MAPK1IP1L: variants seen among roughly 807,000 people sequenced by gnomAD.
MAPK1IP1L encodes MAPK-interacting and spindle-stabilizing protein-like.
A neutral mutation model predicts 18.1 loss-of-function variants in MAPK1IP1L; 10 were observed. The ratio of observed to expected loss-of-function variants is 0.55; its 90% CI spans 0.34 to 0.94. MAPK1IP1L has a LOEUF of 0.94. Ranked by LOEUF, MAPK1IP1L falls within the 40% of genes least tolerant of loss-of-function variation. The probability of loss-of-function intolerance (pLI) is 0.02; values close to 1 mark genes in which losing one functional copy is unlikely to be tolerated. For synonymous variants in MAPK1IP1L, 115 were observed against 117.3 expected, an observed-to-expected ratio of 0.98 and a Z score of 0.13; for missense variants, 260 against 318.2, an observed-to-expected ratio of 0.82 and a Z score of 1.39.
rs748945908 is a variant in MAPK1IP1L, at chr14:55,063,010, T to C, written c.411T>C (p.Ala137=). ...CATATGGTGCACCCACAGATCCAGCTGCAGCTGGTCCTTTAGGTCCATGGG... is the reference window on the plus strand; with the variant it reads ...CATATGGTGCACCCACAGATCCAGCCGCAGCTGGTCCTTTAGGTCCATGGG... ...PRPYGAPTDP[A]AAGPLGPWGS... is the part of the protein sequence containing the mutation. The change falls in exon 3 of 4, where the codon GCT becomes GCC. Residue 137 remains alanine (A), a synonymous_variant. Transcript: ENST00000395468. 1 of 1,613,894 alleles carries C rather than the reference T, an allele frequency of 6.2e-7. No individual in the cohort carries two copies. The highest frequency in any genetic ancestry group is 1.7e-5 in the Admixed American group (1 of 60,016).
rs531199719 is a variant in MAPK1IP1L, at chr14:55,069,204, A to G, written c.*4577A>G. 3.9e-5 allele frequency: 6 copies of G among 152,366 alleles called. No individual in the cohort carries two copies. Among genetic ancestry groups the G allele is most frequent in the East Asian group, 1.9e-4 (1 of 5,190 alleles). 9.4% of individuals were successfully genotyped at this position (152,366 alleles called of 1,614,324 possible). On this transcript the variant is annotated 3_prime_UTR_variant, in exon 4 of 4. Transcript: ENST00000395468. ...GAACTTGACTTCTTATGTGTGCTCT[A>G]TGAGTTTGTTGTAATTTTCTTCTTG...
Position 55,060,154 on chromosome 14 carries a change from A to ATTTT in MAPK1IP1L, c.-4-1494_-4-1491dup, listed in dbSNP as rs71131248. ...TACAGATAAAAGGAATTTTGGAGAA[A>ATTTT]TTTTTTTTTTTTTTTTTTTTTTTTT... On this transcript the variant is annotated intron_variant, in intron 1 of 3. Coordinates refer to ENST00000395468, the MANE Select transcript of MAPK1IP1L (RefSeq NM_144578.4). Among the ~76,000 whole-genome samples, 239 of 63,924 alleles carry ATTTT rather than the reference A, an allele frequency of 3.7e-3. 3 individuals carry two copies. The highest frequency in any genetic ancestry group is 7.3e-3 in the Admixed American group (26 of 3,554). The allele number at this position is 63,924 out of a possible 152,430, so 41.9% of individuals were successfully genotyped here. A position where few individuals can be genotyped will look rare whatever the true frequency, so the allele number is the denominator to read the frequency against.
intron 1 of MAPK1IP1L, 74 bp downstream of exon 1, chr14:55,051,877 G>T (rs998138017): frequency 2.4e-6 from 1 of 424,102 alleles, no homozygotes; most frequent in Non-Finnish European, 4.7e-6. Context: ...CCGCGGGCGC[G>T]GCCAAGCGGG....
chr14:55,053,247 C>T (rs2042744642), intron 1 of MAPK1IP1L, among the ~76,000 whole-genome samples: 1 of 152,200 alleles, frequency 6.6e-6, no homozygotes, highest in South Asian at 2.1e-4. Flanking sequence ...GATGTGGGTA[C>T]GATTCCGATC....
chr14:55,058,641 G>A (rs2042789890), intron 1 of MAPK1IP1L, among the ~76,000 whole-genome samples: 1 of 152,116 alleles, frequency 6.6e-6, no homozygotes, highest in Non-Finnish European at 1.5e-5. Context: ...GAGCAGCCTG[G>A]CCAACGTGGT....
At chr14:55,055,204 C>T (rs1423270429) in intron 1 of MAPK1IP1L, among the ~76,000 whole-genome samples, 1 of 152,104 alleles carries the variant, frequency 6.6e-6, no homozygotes, top group Non-Finnish European at 1.5e-5. Flanking sequence ...TGGCCTCAAG[C>T]GGTCTTCCCA....
chr14:55,055,455 C>A (rs1485426802), intron 1 of MAPK1IP1L, among the ~76,000 whole-genome samples: 1 of 152,092 alleles, frequency 6.6e-6, no homozygotes, highest in Non-Finnish European at 1.5e-5. Context: ...CCAATGAATC[C>A]CTGAAACTGA....
chr14:55,053,103 G>T lies in MAPK1IP1L; in HGVS notation c.-5+1300G>T, dbSNP rs114267296. On this transcript the variant is annotated intron_variant, in intron 1 of 3. Transcript: ENST00000395468. ...CACATTTTGCCACCATGTAAGTTTT[G>T]TGCCAAACTAGGGCAGATAAAGATT... Among the ~76,000 whole-genome samples, 468 of 152,330 alleles carry T rather than the reference G, an allele frequency of 3.1e-3. 4 individuals are homozygous for T. Among genetic ancestry groups the T allele is most frequent in the African/African-American group, 0.011 (444 of 41,570 alleles).
At chr14:55,064,592 G>C in intron 3 of MAPK1IP1L, 24 bp from the exon 4 acceptor site, 1 of 1,611,558 alleles carries the variant, frequency 6.2e-7, no homozygotes, top group Non-Finnish European at 8.5e-7. Flanking sequence ...TCTAGAAGTT[G>C]ACTTTTTCTT....
At chr14:55,062,171 C>T (rs1217859565) in intron 2 of MAPK1IP1L, among the ~76,000 whole-genome samples, 3 of 152,172 alleles carry the variant, frequency 2.0e-5, no homozygotes, top group Non-Finnish European at 4.4e-5. Context: ...ATACCAGGCA[C>T]TCTGTGAAAG....
chr14:55,054,811 A>G (rs1472132804), intron 1 of MAPK1IP1L, among the ~76,000 whole-genome samples: 1 of 152,152 alleles, frequency 6.6e-6, no homozygotes, highest in Non-Finnish European at 1.5e-5. Context: ...TCCCTGACCC[A>G]TGATTTTTAC....
intron 1 of MAPK1IP1L, among the ~76,000 whole-genome samples, chr14:55,054,177 CTTTTTT>C (rs371063665): frequency 2.4e-5 from 3 of 127,288 alleles, no homozygotes; most frequent in East Asian, 2.3e-4. Flanking sequence ...TTTATATTTT[CTTTTTT>C]TTTTTTTTTT....
In MAPK1IP1L at chr14:55,068,036, G is replaced by C. The variant is rs2042878471; in HGVS notation, c.*3409G>C. 6.6e-6 allele frequency: 1 copy of C among 152,194 alleles called. No homozygotes were observed. Among genetic ancestry groups the C allele is most frequent in the Non-Finnish European group, 1.5e-5 (1 of 68,038 alleles). The allele number at this position is 152,194 out of a possible 1,614,324, so 9.4% of individuals were successfully genotyped here. On this transcript the variant is annotated 3_prime_UTR_variant, in exon 4 of 4. Transcript: ENST00000395468. ...GCACTTCAAAGACCTTGGCTTGTCT[G>C]TCCCATCCTGCCACTTTCTCATCTT...
intron 2 of MAPK1IP1L, among the ~76,000 whole-genome samples, chr14:55,062,398 G>A (rs1055463463): frequency 3.3e-5 from 5 of 152,172 alleles, no homozygotes; most frequent in African/African-American, 1.2e-4. Flanking sequence ...TTTAGAAAAC[G>A]AGTTTCTCTG....
At position 55,059,092 on chromosome 14, in the gene MAPK1IP1L, G is replaced by C. The variant is rs728889; in HGVS notation, c.-4-2588G>C. 9.7e-3 allele frequency among the ~76,000 whole-genome samples: 1,467 copies of C among 151,468 alleles called. 30 individuals carry two copies. The highest frequency in any genetic ancestry group is 0.033 in the African/African-American group (1,378 of 41,332). On this transcript the variant is annotated intron_variant, in intron 1 of 3. Coordinates refer to ENST00000395468, the MANE Select transcript of MAPK1IP1L (RefSeq NM_144578.4). ...ACTATACTATACCTTGTTCTTGAAC[G>C]AGATGATTTGACATTTTAAATAGAT... is the stretch of plus-strand genomic sequence containing the variant.
chr14:55,062,603 T>C lies in MAPK1IP1L; in HGVS notation c.19-15T>C. 1.9e-6 allele frequency: 3 copies of C among 1,594,728 alleles called. No homozygotes were observed. Among genetic ancestry groups the C allele is most frequent in the Non-Finnish European group, 2.6e-6 (3 of 1,168,196 alleles). On this transcript the variant is annotated splice_polypyrimidine_tract_variant and intron_variant, in intron 2 of 3. Transcript: ENST00000395468. ...TTTCCCTAGATAGGAAAGACGTATC[T>C]GTTTTGTGTTCCAGTTGGCAGATGC... is the stretch of plus-strand genomic sequence containing the variant.
intron 1 of MAPK1IP1L, among the ~76,000 whole-genome samples, chr14:55,052,867 C>T (rs1207441212): frequency 1.3e-5 from 2 of 152,162 alleles, no homozygotes; most frequent in East Asian, 3.8e-4. Flanking sequence ...AAATCCATCC[C>T]CAGTCTCTTA....
chr14:55,058,569 G>A (rs2042789159), intron 1 of MAPK1IP1L, among the ~76,000 whole-genome samples: 1 of 152,206 alleles, frequency 6.6e-6, no homozygotes, highest in Admixed American at 6.5e-5. Context: ...GGTGGCTCAT[G>A]CCTGTAATCC....
Position 55,066,508 on chromosome 14 carries a change from T to G in MAPK1IP1L, c.*1881T>G, listed in dbSNP as rs1469391294. ...ACAAGGCAGGTAGCCTTGGCTTGAA[T>G]TATCAATATCAAAATGTCAGTTAAC... On this transcript the variant is annotated 3_prime_UTR_variant, in exon 4 of 4. Transcript: ENST00000395468. The G allele has an allele frequency of 2.0e-5, 3 of 152,232 alleles. No homozygotes were observed. The highest frequency in any genetic ancestry group is 2.4e-5 in the African/African-American group (1 of 41,456). 9.4% of individuals were successfully genotyped at this position (152,232 alleles called of 1,614,324 possible).
Sources: allele counts gnomAD v4.1 joint callset (sites outside exome capture counted in the v4.1 genomes callset), GRCh38; gene constraint gnomAD v4.1.1; transcripts MANE v1.5; gene names NCBI Gene and HGNC (gene_info 2026-07-23, HGNC 2026-07-21).